SORCS2: variants seen among roughly 807,000 people sequenced by gnomAD.
SORCS2 encodes VPS10 domain-containing receptor SorCS2.
A neutral mutation model predicts 141.6 loss-of-function variants in SORCS2; 100 were observed. The ratio of observed to expected loss-of-function variants is 0.71; its 90% CI spans 0.60 to 0.83. The LOEUF is 0.83. SORCS2 is among the 40% of genes least tolerant of loss of function. The pLI is 0.00. For synonymous variants in SORCS2, 789 were observed against 676.9 expected (o/e 1.17, Z -2.57); for missense variants, 1,646 against 1,560.2 (o/e 1.05, Z -0.93).
At chr4:7,260,552 C>T (rs568585426) in intron 1 of SORCS2, among the ~76,000 whole-genome samples, 40 of 152,242 alleles carry the variant, frequency 2.6e-4, no homozygotes, top group South Asian at 8.3e-4. Context: ...AATGAGTGAA[C>T]GGGAGCTGTG....
intron 3 of SORCS2, among the ~76,000 whole-genome samples, chr4:7,587,208 G>T (rs1388507613): frequency 6.6e-6 from 1 of 152,048 alleles, no homozygotes; most frequent in Non-Finnish European, 1.5e-5. Flanking sequence ...CTTGGTGCCA[G>T]TCTGGATTAG....
At chr4:7,485,114 A>T (rs1384639554) in intron 2 of SORCS2, among the ~76,000 whole-genome samples, 1 of 152,056 alleles carries the variant, frequency 6.6e-6, no homozygotes, top group Non-Finnish European at 1.5e-5. Flanking sequence ...CACCCTCCTG[A>T]GGGTCTCACT....
At chr4:7,226,957 G>A (rs1729028033) in intron 1 of SORCS2, among the ~76,000 whole-genome samples, 3 of 152,208 alleles carry the variant, frequency 2.0e-5, no homozygotes, top group Admixed American at 2.0e-4. Context: ...TGTGGCTGAA[G>A]GGCAGTGGGG....
chr4:7,602,961 A>G (rs1243212290), intron 3 of SORCS2, among the ~76,000 whole-genome samples: 5 of 152,248 alleles, frequency 3.3e-5, no homozygotes, highest in Non-Finnish European at 7.3e-5. Flanking sequence ...GCTGGAGACC[A>G]GCCCGACCAA....
intron 20 of SORCS2, 143 bp from the exon 21 acceptor site, chr4:7,726,637 C>T: frequency 9.3e-7 from 1 of 1,080,872 alleles, no homozygotes; most frequent in Non-Finnish European, 1.3e-6. Context: ...GTGCTGCCAC[C>T]ACAGGATGTC....
intron 3 of SORCS2, among the ~76,000 whole-genome samples, chr4:7,551,541 G>A (rs1372207383): frequency 6.6e-6 from 1 of 152,224 alleles, no homozygotes; most frequent in African/African-American, 2.4e-5. Context: ...AGGAGATGAT[G>A]CCCTGGGCTG....
intron 2 of SORCS2, among the ~76,000 whole-genome samples, chr4:7,436,468 ACC>A (rs976511137): frequency 2.0e-5 from 3 of 151,932 alleles, no homozygotes; most frequent in African/African-American, 7.3e-5. Context: ...GTCTCTTGAG[ACC>A]CCACCCCCAC....
At chr4:7,582,290 C>G (rs535641686) in intron 3 of SORCS2, among the ~76,000 whole-genome samples, 1 of 152,182 alleles carries the variant, frequency 6.6e-6, no homozygotes, top group Non-Finnish European at 1.5e-5. Context: ...GGATGTCTGA[C>G]GACAAAGGCC....
At chr4:7,629,585 A>G (rs1719747633) in intron 3 of SORCS2, among the ~76,000 whole-genome samples, 1 of 143,480 alleles carries the variant, frequency 7.0e-6, no homozygotes, top group Non-Finnish European at 1.5e-5. Context: ...CCACCCGCTG[A>G]TCTCTGCAGG....
At chr4:7,454,282 T>C (rs1728708349) in intron 2 of SORCS2, among the ~76,000 whole-genome samples, 1 of 104,296 alleles carries the variant, frequency 9.6e-6, no homozygotes. Flanking sequence ...GGCTCCGTGT[T>C]GGGGTCAGGC....
chr4:7,213,440 A>G (rs996157408), intron 1 of SORCS2, among the ~76,000 whole-genome samples: 3 of 152,178 alleles, frequency 2.0e-5, no homozygotes, highest in African/African-American at 7.2e-5. Flanking sequence ...AGTCAGGGAA[A>G]TGGTGCAGAC....
chr4:7,563,663 G>C (rs1714760263), intron 3 of SORCS2, among the ~76,000 whole-genome samples: 2 of 152,178 alleles, frequency 1.3e-5, no homozygotes, highest in African/African-American at 2.4e-5. Flanking sequence ...ATTGATGGGA[G>C]CCTCACTGAC....
intron 3 of SORCS2, among the ~76,000 whole-genome samples, chr4:7,565,679 G>A (rs114237497): frequency 0.05 from 7,443 of 150,060 alleles, 225 homozygotes; most frequent in African/African-American, 0.087. Context: ...CTGATGATGT[G>A]ATGATGGTGA....
intron 1 of SORCS2, among the ~76,000 whole-genome samples, chr4:7,240,063 T>C (rs546244585): frequency 2.6e-5 from 4 of 152,316 alleles, no homozygotes; most frequent in African/African-American, 9.6e-5. Flanking sequence ...CGGTTTCTAA[T>C]TTCAGCTCTT....
chr4:7,725,407 A>C, intron 20 of SORCS2, 120 bp downstream of exon 20: 1 of 1,375,192 alleles, frequency 7.3e-7, no homozygotes, highest in Non-Finnish European at 9.6e-7. Context: ...TGCACTCCTC[A>C]CCCTTGGGCC....
intron 1 of SORCS2, among the ~76,000 whole-genome samples, chr4:7,219,370 G>C (rs997968658): frequency 2.0e-5 from 3 of 152,130 alleles, no homozygotes; most frequent in Non-Finnish European, 4.4e-5. Flanking sequence ...AAGGAGCCTG[G>C]TTTAAGGGGT....
chr4:7,699,597 C>A (rs552151263), intron 12 of SORCS2, among the ~76,000 whole-genome samples: 2 of 152,264 alleles, frequency 1.3e-5, no homozygotes, highest in South Asian at 4.2e-4. Context: ...CTCGGGGGAC[C>A]CCCAAAGCAG....
chr4:7,515,528 G>T (rs1732918682), intron 2 of SORCS2, among the ~76,000 whole-genome samples: 1 of 152,210 alleles, frequency 6.6e-6, no homozygotes, highest in Admixed American at 6.5e-5. Context: ...GCCGGATGGA[G>T]GAGGAGGAGC....
chr4:7,375,032 C>G (rs1055203517), intron 1 of SORCS2, among the ~76,000 whole-genome samples: 1 of 152,118 alleles, frequency 6.6e-6, no homozygotes, highest in Non-Finnish European at 1.5e-5. Context: ...TCACTGGGGT[C>G]CCTGGCATAG....
Sources: gnomAD v4.1 joint callset for allele counts (sites outside exome capture counted in the v4.1 genomes callset) on GRCh38, gnomAD v4.1.1 for gene constraint, MANE v1.5 for transcripts, NCBI Gene and HGNC (gene_info 2026-07-23, HGNC 2026-07-21) for gene names.